Variants in CDH7 observed in about 807,000 individuals in gnomAD.
The protein encoded by CDH7 is cadherin-7.
In CDH7, 25 loss-of-function variants were observed where a neutral mutation model predicts 71.8. The observed-to-expected ratio is 0.35, with a 90% confidence interval of 0.25 to 0.49. The LOEUF is 0.49. Among genes scored for constraint, CDH7 ranks in the 20% least tolerant of loss-of-function variants. The pLI, the probability that CDH7 is intolerant of heterozygous loss-of-function variation, is 0.99. For missense variants in CDH7, 862 were observed against 974.6 expected, an observed-to-expected ratio of 0.88 and a Z score of 1.54; for synonymous variants, 381 against 363.8, an observed-to-expected ratio of 1.05 and a Z score of -0.54.
At chr18:65,835,188 C>A (rs1372301284) in intron 6 of CDH7, among the ~76,000 whole-genome samples, 1 of 152,074 alleles carries the variant, frequency 6.6e-6, no homozygotes, top group African/African-American at 2.4e-5. Context: ...TCTTTTGAGG[C>A]TGTTTGACAG....
At chr18:65,792,644 T>C (rs755625115) in intron 2 of CDH7, among the ~76,000 whole-genome samples, 31 of 152,112 alleles carry the variant, frequency 2.0e-4, no homozygotes, top group Middle Eastern at 3.4e-3. Context: ...TGCATTCTAA[T>C]GTTGTAGCAC....
intron 6 of CDH7, among the ~76,000 whole-genome samples, chr18:65,829,559 T>C (rs1443921656): frequency 6.6e-6 from 1 of 151,768 alleles, no homozygotes. Context: ...TCTAGAGCAG[T>C]CACTAAACTA....
chr18:65,839,747 A>C (rs1912661412), intron 6 of CDH7, among the ~76,000 whole-genome samples: 1 of 152,184 alleles, frequency 6.6e-6, no homozygotes, highest in Non-Finnish European at 1.5e-5. Flanking sequence ...GTGAGAAAGA[A>C]ATGCAATTTT....
chr18:65,762,940 G>T lies in CDH7; in HGVS notation c.98G>T (p.Arg33Ile), dbSNP rs762384344. ...AGTCAAGCAGAACTCTCAAGGTCCA[G>T]ATCAAAGCCCTATTTCCAATCAGGG... is the stretch of plus-strand genomic sequence containing the variant. ...GMSQAELSRS[R>I]SKPYFQSGRS... Residue 33 changes from arginine to isoleucine, a missense_variant, in exon 2 of 12, where the codon AGA becomes ATA. Coordinates refer to ENST00000397968, the MANE Select transcript of CDH7 (RefSeq NM_004361.5). 3.7e-6 allele frequency: 6 copies of T among 1,613,580 alleles called. No individual in the cohort carries two copies. In the Admixed American group the frequency reaches 6.7e-5, roughly 18 times the overall value.
Position 65,762,671 on chromosome 18 carries a change from G to T in CDH7, c.-172G>T. The T allele has an allele frequency of 1.7e-6, 1 of 586,128 alleles. No individual in the cohort carries two copies. Among genetic ancestry groups the T allele is most frequent in the Middle Eastern group, 4.6e-4 (1 of 2,170 alleles). 36.3% of individuals were successfully genotyped at this position (586,128 alleles called of 1,614,324 possible). On this transcript the variant is annotated 5_prime_UTR_variant, in exon 2 of 12. An upstream open reading frame in the 5' UTR gains an earlier in-frame stop. Coordinates refer to ENST00000397968, the MANE Select transcript of CDH7 (RefSeq NM_004361.5). ...GGTACTTACTACACCATTCTTTGGC[G>T]AAGGCTATTCAGCAGTGGTGACCTC...
chr18:65,866,632 T>C (rs1238488947), intron 11 of CDH7, among the ~76,000 whole-genome samples: 1 of 152,094 alleles, frequency 6.6e-6, no homozygotes, highest in African/African-American at 2.4e-5. Flanking sequence ...AGATTCTAGG[T>C]CTCCTTATTC....
At chr18:65,851,755 T>C (rs551494475) in intron 7 of CDH7, among the ~76,000 whole-genome samples, 1 of 152,300 alleles carries the variant, frequency 6.6e-6, no homozygotes, top group African/African-American at 2.4e-5. Context: ...AACTTTCTCA[T>C]TGAACAAATG....
At chr18:65,763,358 A>C (rs1916260195) in intron 2 of CDH7, among the ~76,000 whole-genome samples, 1 of 152,170 alleles carries the variant, frequency 6.6e-6, no homozygotes, top group Non-Finnish European at 1.5e-5. Flanking sequence ...TGTCGTTACC[A>C]AAGTGGAACA....
At position 65,881,004 on chromosome 18, in the gene CDH7, C is replaced by A; in HGVS notation, c.*110C>A. 1 of 1,040,052 alleles carries A rather than the reference C, an allele frequency of 9.6e-7. No homozygotes were observed. The highest frequency in any genetic ancestry group is 1.4e-6 in the Non-Finnish European group (1 of 738,936). The allele number at this position is 1,040,052 out of a possible 1,614,324, so 64.4% of individuals were successfully genotyped here. Reference sequence around the variant, plus strand: ...ATACAGAAAACAAGAACTCCCCTTGCTGGAGACAGATGGTTGTAAATATTT... The same window carrying A: ...ATACAGAAAACAAGAACTCCCCTTGATGGAGACAGATGGTTGTAAATATTT... On this transcript the variant is annotated 3_prime_UTR_variant, in exon 12 of 12. Transcript: ENST00000397968.
At chr18:65,853,930 T>TATCC (rs1555689512) in intron 7 of CDH7, among the ~76,000 whole-genome samples, 15 of 97,668 alleles carry the variant, frequency 1.5e-4, no homozygotes, top group African/African-American at 6.2e-4. Context: ...TATATATATA[T>TATCC]ATATATATAT....
At chr18:65,819,643 T>C (rs749982074) in intron 4 of CDH7, among the ~76,000 whole-genome samples, 1 of 151,694 alleles carries the variant, frequency 6.6e-6, no homozygotes, top group Non-Finnish European at 1.5e-5. Context: ...GCTTTGGGAG[T>C]TGGAAGTGCA....
At chr18:65,854,237 T>C (rs983094986) in intron 7 of CDH7, among the ~76,000 whole-genome samples, 8 of 151,702 alleles carry the variant, frequency 5.3e-5, no homozygotes, top group East Asian at 2.0e-4. Flanking sequence ...GCCTGAGAGG[T>C]TGAGGCTGTA....
chr18:65,759,928 A>ATG (rs1217406154), intron 1 of CDH7, among the ~76,000 whole-genome samples: 4 of 152,118 alleles, frequency 2.6e-5, no homozygotes, highest in Admixed American at 6.6e-5. Context: ...AATTATACAT[A>ATG]TATATATAGT....
At chr18:65,815,199 A>G (rs917226460) in intron 4 of CDH7, among the ~76,000 whole-genome samples, 1 of 152,098 alleles carries the variant, frequency 6.6e-6, no homozygotes, top group Non-Finnish European at 1.5e-5. Context: ...GTAAGCTGAA[A>G]CTGTTTACAT....
At chr18:65,788,355 G>A (rs12457175) in intron 2 of CDH7, among the ~76,000 whole-genome samples, 50,722 of 151,948 alleles carry the variant, frequency 0.33, 8,751 homozygotes, top group Middle Eastern at 0.46. Context: ...CACTGAAATA[G>A]TTGGCTTCTG....
chr18:65,833,645 AT>A (rs1912431229), intron 6 of CDH7, among the ~76,000 whole-genome samples: 1 of 152,118 alleles, frequency 6.6e-6, no homozygotes, highest in Non-Finnish European at 1.5e-5. Flanking sequence ...TACTTTAATC[AT>A]TATGTGTATG....
chr18:65,790,818 G>A lies in CDH7; in HGVS notation c.211-18886G>A, dbSNP rs4941350. ...ACGGAAGCAGAGGTTGCAGTAAGCCGAGATTGCATCACTGCACTCCAGCTT... is the reference window on the plus strand; with the variant it reads ...ACGGAAGCAGAGGTTGCAGTAAGCCAAGATTGCATCACTGCACTCCAGCTT... On this transcript the variant is annotated intron_variant, in intron 2 of 11. Coordinates refer to ENST00000397968, the MANE Select transcript of CDH7 (RefSeq NM_004361.5). Among the ~76,000 whole-genome samples, 53 of 152,248 alleles carry A rather than the reference G, an allele frequency of 3.5e-4. 2 individuals are homozygous for A. The South Asian group carries it at 0.011, about 31-fold the overall frequency.
intron 7 of CDH7, among the ~76,000 whole-genome samples, chr18:65,851,618 A>G (rs888100079): frequency 3.3e-5 from 5 of 152,234 alleles, no homozygotes; most frequent in Non-Finnish European, 4.4e-5. Flanking sequence ...CACTGAAGAC[A>G]CACAGATGTA....
intron 6 of CDH7, among the ~76,000 whole-genome samples, chr18:65,830,990 T>C (rs1424788222): frequency 6.6e-6 from 1 of 152,120 alleles, no homozygotes; most frequent in African/African-American, 2.4e-5. Flanking sequence ...TGTTTAAAAC[T>C]CAAAACTATA....
Sources: gnomAD v4.1 joint callset for allele counts (sites outside exome capture counted in the v4.1 genomes callset) on GRCh38, gnomAD v4.1.1 for gene constraint, MANE v1.5 for transcripts, NCBI Gene and HGNC (gene_info 2026-07-23, HGNC 2026-07-21) for gene names.